CA12: variants seen among roughly 807,000 people sequenced by gnomAD.
The protein encoded by CA12 is carbonic anhydrase 12.
CA12 carries 36 observed loss-of-function variants against 46.8 expected under a neutral mutation model. The ratio of observed to expected loss-of-function variants is 0.77; its 90% CI spans 0.59 to 1.02. CA12 has a LOEUF of 1.02. Ranked by LOEUF, CA12 falls within the 50% of genes least tolerant of loss-of-function variation. The probability of loss-of-function intolerance (pLI) is 0.00; values close to 1 mark genes in which losing one functional copy is unlikely to be tolerated. For missense variants in CA12, 436 were observed against 451.4 expected (o/e 0.97, Z 0.31); for synonymous variants, 202 against 187.0 (o/e 1.08, Z -0.65).
chr15:63,347,585 C>T (rs1390592513), intron 2 of CA12, among the ~76,000 whole-genome samples: 1 of 152,180 alleles, frequency 6.6e-6, no homozygotes, highest in East Asian at 1.9e-4. Context: ...TGCTAACTAC[C>T]AGATAGCAGT....
At position 63,338,929 on chromosome 15, in the gene CA12, G is replaced by A. The variant is rs2039040251; in HGVS notation, c.764C>T (p.Thr255Ile). 1 of 1,614,192 alleles carries A rather than the reference G, an allele frequency of 6.2e-7. No homozygotes were observed. The highest frequency in any genetic ancestry group is 1.7e-5 in the Admixed American group (1 of 60,026). Residue 255 changes from threonine to isoleucine, a missense_variant, in exon 8 of 11, where the codon ACA becomes ATA. Transcript: ENST00000178638. ...ISQEQLLALE[T>I]ALYCTHMDDP... Reference sequence around the variant, plus strand: ...GTCCATGTGTGTGCAGTACAGGGCTGTCTCCAAAGCCAGCAGCTGAGGGCA... The same window carrying A: ...GTCCATGTGTGTGCAGTACAGGGCTATCTCCAAAGCCAGCAGCTGAGGGCA...
rs181871612 is a variant in CA12, at chr15:63,341,033, C to T, written c.526-250G>A. ...TTGAATGTCCTGGGGCATAGGGTAC[C>T]GTGTGTGCTCTTGATGATCCAGATA... On this transcript the variant is annotated intron_variant, in intron 5 of 10. Coordinates refer to ENST00000178638, the MANE Select transcript of CA12 (RefSeq NM_001218.5). The surrounding 1 kb of genome is among the most constrained non-coding windows in gnomAD (Gnocchi z 5.2). 8.5e-5 allele frequency among the ~76,000 whole-genome samples: 13 copies of T among 152,230 alleles called. No homozygotes were observed. The highest frequency in any genetic ancestry group is 2.6e-4 in the Admixed American group (4 of 15,284).
At chr15:63,377,139 C>T (rs1394245798) in intron 1 of CA12, among the ~76,000 whole-genome samples, 3 of 152,298 alleles carry the variant, frequency 2.0e-5, no homozygotes, top group East Asian at 3.9e-4. Context: ...GAGCTGTGCT[C>T]TTGTGACCCT....
Position 63,340,119 on chromosome 15 carries a change from G to A in CA12, c.747+169C>T. The A allele has an allele frequency of 1.1e-5, 9 of 792,006 alleles. No homozygotes were observed. The South Asian group carries it at 1.4e-4, about 12-fold the overall frequency. 49.1% of individuals were successfully genotyped at this position (792,006 alleles called of 1,614,324 possible). A position where few individuals can be genotyped will look rare whatever the true frequency, so the allele number is the denominator to read the frequency against. On this transcript the variant is annotated intron_variant, in intron 7 of 10. Transcript: ENST00000178638. This position sits in a 1 kb window ranked among gnomAD's most constrained non-coding sequence, Gnocchi z 4.4. ...TTTGCCTAGCTTGACTTCTTTTGAAGCTCAGCCTGGAATTTCTGCGGTGCT... is the reference window on the plus strand; with the variant it reads ...TTTGCCTAGCTTGACTTCTTTTGAAACTCAGCCTGGAATTTCTGCGGTGCT...
chr15:63,359,060 T>G (rs1042123951), intron 2 of CA12, among the ~76,000 whole-genome samples: 1 of 152,108 alleles, frequency 6.6e-6, no homozygotes, highest in African/African-American at 2.4e-5. Context: ...GTGGTTTTGT[T>G]GTTGGCCCCT....
chr15:63,337,913 C>G (rs540024721), intron 8 of CA12, among the ~76,000 whole-genome samples: 5 of 152,210 alleles, frequency 3.3e-5, no homozygotes, highest in African/African-American at 1.2e-4. Context: ...ACACGTGATG[C>G]TGGGGATGAA....
chr15:63,360,855 A>G (rs1268052129), intron 2 of CA12, among the ~76,000 whole-genome samples: 1 of 151,120 alleles, frequency 6.6e-6, no homozygotes, highest in Non-Finnish European at 1.5e-5. Context: ...TTATATGTCT[A>G]CCTCCCCCTC....
rs114304633 is a variant in CA12 at position 63,341,218 on chromosome 15, T to C, written c.526-435A>G. ...AAGCCAATCAGAAGACATTCCTCTA[T>C]CTTGGGATAAAAAAAGAATTCATTC... is the stretch of plus-strand genomic sequence containing the variant. On this transcript the variant is annotated intron_variant, in intron 5 of 10. Transcript: ENST00000178638. This position sits in a 1 kb window ranked among gnomAD's most constrained non-coding sequence, Gnocchi z 5.2. Among the ~76,000 whole-genome samples the C allele has an allele frequency of 0.011, 1,728 of 152,162 alleles. 36 individuals are homozygous for C. The highest frequency in any genetic ancestry group is 0.039 in the African/African-American group (1,621 of 41,494).
rs1181818375 is a variant in CA12, at chr15:63,327,099, A to T, written c.992+50T>A. Reference sequence around the variant, plus strand: ...AGCTGCCTTCCCAGGCAGACTAATCATCATGGACACATAGCTGTCCATTCC... The same window carrying T: ...AGCTGCCTTCCCAGGCAGACTAATCTTCATGGACACATAGCTGTCCATTCC... On this transcript the variant is annotated intron_variant, in intron 10 of 10. Transcript: ENST00000178638. This position sits in a 1 kb window ranked among gnomAD's most constrained non-coding sequence, Gnocchi z 4.5. The T allele has an allele frequency of 2.7e-6, 4 of 1,500,244 alleles. No individual in the cohort carries two copies. The African/African-American group carries it at 5.5e-5, about 21-fold the overall frequency. The allele number at this position is 1,500,244 out of a possible 1,614,324, so 92.9% of individuals were successfully genotyped here.
intron 2 of CA12, among the ~76,000 whole-genome samples, chr15:63,353,583 A>G (rs1246272504): frequency 2.0e-5 from 3 of 152,184 alleles, no homozygotes; most frequent in East Asian, 1.9e-4. Flanking sequence ...GGGTCATCCA[A>G]CAGTCCCGCT....
At chr15:63,332,483 G>A (rs779389120) in intron 8 of CA12, among the ~76,000 whole-genome samples, 19 of 152,194 alleles carry the variant, frequency 1.2e-4, no homozygotes, top group Non-Finnish European at 1.8e-4. Context: ...AGAGCCTCAG[G>A]GGCAGGTTAC....
In CA12 at chr15:63,326,142, C is replaced by CCAG; in HGVS notation, c.*140_*142dup. Reference sequence around the variant, plus strand: ...CCATGGTCCCAAGGCAAGGAGGCACCCAGCAGAGGATCCCTGAGGCCTGGC... The same window carrying CCAG: ...CCATGGTCCCAAGGCAAGGAGGCACCCAGCAGCAGAGGATCCCTGAGGCCTGGC... On this transcript the variant is annotated 3_prime_UTR_variant, in exon 11 of 11. Transcript: ENST00000178638. 1 of 714,280 alleles carries CCAG rather than the reference C, an allele frequency of 1.4e-6. No homozygotes were observed. Among genetic ancestry groups the CCAG allele is most frequent in the Non-Finnish European group, 2.5e-6 (1 of 396,178 alleles). The allele number at this position is 714,280 out of a possible 1,614,324, so 44.2% of individuals were successfully genotyped here. A position where few individuals can be genotyped will look rare whatever the true frequency, so the allele number is the denominator to read the frequency against.
chr15:63,344,892 C>T (rs144049395), intron 4 of CA12, among the ~76,000 whole-genome samples: 2 of 152,142 alleles, frequency 1.3e-5, no homozygotes, highest in African/African-American at 4.8e-5. Context: ...CAACATGACA[C>T]GATGCTGTGC....
chr15:63,359,792 C>G (rs1044800569), intron 2 of CA12, among the ~76,000 whole-genome samples: 1 of 152,220 alleles, frequency 6.6e-6, no homozygotes, highest in Non-Finnish European at 1.5e-5. Flanking sequence ...ACTCTCCCAA[C>G]TGGCACAGCC....
intron 4 of CA12, among the ~76,000 whole-genome samples, chr15:63,344,815 TTGCATAGGACAAATGCTC>T (rs945631025): frequency 6.6e-6 from 1 of 152,100 alleles, no homozygotes; most frequent in African/African-American, 2.4e-5. Flanking sequence ...CATCCTGCAA[TTGCATAGGACAAATGCTC>T]TGCCCGTCTT....
chr15:63,361,390 G>T (rs546566703), intron 2 of CA12, among the ~76,000 whole-genome samples: 2 of 152,202 alleles, frequency 1.3e-5, no homozygotes, highest in South Asian at 4.1e-4. Context: ...CTAAGCCAGT[G>T]ATTTTCAACT....
chr15:63,347,687 T>C (rs1288443360), intron 2 of CA12, among the ~76,000 whole-genome samples: 3 of 152,206 alleles, frequency 2.0e-5, no homozygotes, highest in South Asian at 2.1e-4. Flanking sequence ...TAAATCTATG[T>C]TTAAAAGATT....
At position 63,340,266 on chromosome 15, in the gene CA12, C is replaced by A; in HGVS notation, c.747+22G>T. On this transcript the variant is annotated intron_variant, in intron 7 of 10. Coordinates refer to ENST00000178638, the MANE Select transcript of CA12 (RefSeq NM_001218.5). The surrounding 1 kb of genome is among the most constrained non-coding windows in gnomAD (Gnocchi z 4.4). ...GACTGAGGTGCCGCGTGGACTCTGG[C>A]TGAGTCTGGCACGACAGTTACCTGC... 1 of 1,614,058 alleles carries A rather than the reference C, an allele frequency of 6.2e-7. No homozygotes were observed. The highest frequency in any genetic ancestry group is 1.1e-5 in the South Asian group (1 of 91,072).
At chr15:63,352,014 G>T (rs917336090) in intron 2 of CA12, among the ~76,000 whole-genome samples, 1 of 152,078 alleles carries the variant, frequency 6.6e-6, no homozygotes, top group African/African-American at 2.4e-5. Flanking sequence ...TATGCGTGGT[G>T]GTTATGGTAA....
Sources: allele counts gnomAD v4.1 joint callset (sites outside exome capture counted in the v4.1 genomes callset), GRCh38; gene constraint gnomAD v4.1.1; non-coding constraint Gnocchi (gnomAD v3.1); transcripts MANE v1.5; gene names NCBI Gene and HGNC (gene_info 2026-07-23, HGNC 2026-07-21).